Variants in HACD2 observed in about 807,000 individuals in gnomAD.
HACD2 encodes 3-hydroxyacyl-CoA dehydratase 2.
A neutral mutation model predicts 31.0 loss-of-function variants in HACD2; 15 were observed. The ratio of observed to expected loss-of-function variants is 0.48; its 90% CI spans 0.32 to 0.75. The LOEUF (loss-of-function observed/expected upper bound fraction) is 0.75. Ranked by LOEUF, HACD2 falls within the 30% of genes least tolerant of loss-of-function variation. The pLI, the probability that HACD2 is intolerant of heterozygous loss-of-function variation, is 0.03. For synonymous variants in HACD2, 115 were observed against 122.2 expected (o/e 0.94, Z 0.39); for missense variants, 283 against 313.0 (o/e 0.90, Z 0.72).
intron 3 of HACD2, among the ~76,000 whole-genome samples, chr3:123,544,322 G>C (rs1202946686): frequency 2.0e-5 from 3 of 152,202 alleles, no homozygotes; most frequent in Non-Finnish European, 4.4e-5. Context: ...TTTAACTGGA[G>C]AGGTGGAATA....
chr3:123,508,104 C>T (rs147322971), intron 4 of HACD2, among the ~76,000 whole-genome samples: 5 of 152,094 alleles, frequency 3.3e-5, no homozygotes, highest in African/African-American at 7.2e-5. Flanking sequence ...GAAGATTTAC[C>T]AAGGATTACT....
chr3:123,562,079 T>G (rs929717430), intron 3 of HACD2, among the ~76,000 whole-genome samples: 4 of 152,222 alleles, frequency 2.6e-5, no homozygotes, highest in African/African-American at 9.6e-5. Flanking sequence ...CCCAAAGTAC[T>G]GGGATTACAG....
chr3:123,578,680 T>C (rs903287796), intron 2 of HACD2, among the ~76,000 whole-genome samples: 2 of 152,188 alleles, frequency 1.3e-5, no homozygotes, highest in African/African-American at 4.8e-5. Context: ...AGATGTGAAA[T>C]TGGAGAACAA....
intron 3 of HACD2, among the ~76,000 whole-genome samples, chr3:123,545,711 T>C (rs1364284811): frequency 6.7e-6 from 1 of 150,194 alleles, no homozygotes; most frequent in Non-Finnish European, 1.5e-5. Flanking sequence ...ATAATAATAA[T>C]AAGATTTTTT....
intron 4 of HACD2, among the ~76,000 whole-genome samples, chr3:123,516,074 TCA>T (rs991757716): frequency 2.0e-5 from 3 of 151,970 alleles, no homozygotes; most frequent in African/African-American, 7.3e-5. Context: ...ATTAGTCTTT[TCA>T]CACAACAATT....
intron 4 of HACD2, among the ~76,000 whole-genome samples, chr3:123,520,031 A>C (rs1024898672): frequency 1.3e-5 from 2 of 152,196 alleles, no homozygotes; most frequent in Non-Finnish European, 2.9e-5. Flanking sequence ...ATGGTTTCCA[A>C]CAAAGGCAAA....
At chr3:123,584,825 C>A in intron 1 of HACD2, 48 bp downstream of exon 1, 2 of 1,402,020 alleles carry the variant, frequency 1.4e-6, no homozygotes, top group Non-Finnish European at 1.9e-6. Context: ...CCGCAGGGCT[C>A]CCTCCCCGGC....
intron 4 of HACD2, among the ~76,000 whole-genome samples, chr3:123,519,542 T>G (rs561366768): frequency 6.6e-6 from 1 of 152,340 alleles, no homozygotes; most frequent in South Asian, 2.1e-4. Flanking sequence ...ATCTTTAAGA[T>G]TCCCAAAGAG....
At chr3:123,518,191 CAAAAAAA>C (rs1192537288) in intron 4 of HACD2, among the ~76,000 whole-genome samples, 2 of 135,272 alleles carry the variant, frequency 1.5e-5, no homozygotes, top group African/African-American at 7.2e-5. Flanking sequence ...GACTCCGTCT[CAAAAAAA>C]AAAAAAAAAA....
In HACD2 at chr3:123,492,980, AT is replaced by A. The variant is rs1183361350; in HGVS notation, c.*1907del. 6.6e-6 allele frequency: 1 copy of A among 152,256 alleles called. No homozygotes were observed. The highest frequency in any genetic ancestry group is 2.4e-5 in the African/African-American group (1 of 41,474). The allele number at this position is 152,256 out of a possible 1,614,324, so 9.4% of individuals were successfully genotyped here. ...GCTGACTTTAAGAAGCAGAATTTTA[AT>A]GTTCAATTCAAAAATAATTTATTAC... On this transcript the variant is annotated 3_prime_UTR_variant, in exon 7 of 7. Coordinates refer to ENST00000383657, the MANE Select transcript of HACD2 (RefSeq NM_198402.5).
chr3:123,565,565 C>T (rs948437110), intron 3 of HACD2, among the ~76,000 whole-genome samples: 5 of 152,276 alleles, frequency 3.3e-5, no homozygotes, highest in African/African-American at 4.8e-5. Context: ...GAATTCCCAG[C>T]CCCCAGAACT....
chr3:123,567,835 G>T, intron 2 of HACD2, 55 bp from the exon 3 acceptor site: 1 of 1,200,396 alleles, frequency 8.3e-7, no homozygotes, highest in Non-Finnish European at 1.2e-6. Context: ...AGATATTAAA[G>T]TTTTATTTCA....
At chr3:123,524,579 C>T (rs3100788) in intron 4 of HACD2, among the ~76,000 whole-genome samples, 79,963 of 152,104 alleles carry the variant, frequency 0.53, 24,604 homozygotes, top group Non-Finnish European at 0.69. Context: ...AGGAAAAGCA[C>T]CTATGGATCT....
intron 4 of HACD2, among the ~76,000 whole-genome samples, chr3:123,516,831 T>A (rs1049520628): frequency 6.6e-6 from 1 of 152,230 alleles, no homozygotes; most frequent in African/African-American, 2.4e-5. Context: ...GTGTTCAGCC[T>A]GTTTTCTGGA....
intron 3 of HACD2, among the ~76,000 whole-genome samples, chr3:123,531,014 C>T (rs1054740426): frequency 3.3e-5 from 5 of 151,554 alleles, no homozygotes; most frequent in African/African-American, 1.2e-4. Context: ...ATTATAGGCA[C>T]GCGCTACCAT....
intron 4 of HACD2, among the ~76,000 whole-genome samples, chr3:123,512,971 G>C (rs1481414427): frequency 6.6e-6 from 1 of 152,116 alleles, no homozygotes; most frequent in Admixed American, 6.5e-5. Flanking sequence ...CTACTAAAAG[G>C]AATCAGGCAG....
chr3:123,552,402 G>A (rs548794219), intron 3 of HACD2, among the ~76,000 whole-genome samples: 43 of 152,212 alleles, frequency 2.8e-4, no homozygotes, highest in African/African-American at 8.4e-4. Context: ...CTCCCCCACC[G>A]ACCTCTTCAA....
intron 3 of HACD2, among the ~76,000 whole-genome samples, chr3:123,551,845 T>C (rs1194115168): frequency 6.6e-6 from 1 of 152,046 alleles, no homozygotes; most frequent in African/African-American, 2.4e-5. Context: ...AGACAACTGG[T>C]TAAAAATCAC....
intron 3 of HACD2, among the ~76,000 whole-genome samples, chr3:123,535,098 A>G (rs931350106): frequency 1.3e-5 from 2 of 152,200 alleles, no homozygotes; most frequent in Non-Finnish European, 2.9e-5. Flanking sequence ...GTACACAGCA[A>G]TGTCCTAGGC....
Sources: gnomAD v4.1 joint callset for allele counts (sites outside exome capture counted in the v4.1 genomes callset) on GRCh38, gnomAD v4.1.1 for gene constraint, MANE v1.5 for transcripts, NCBI Gene and HGNC (gene_info 2026-07-23, HGNC 2026-07-21) for gene names.